Variants in NRG1 observed in about 807,000 individuals in gnomAD.
The protein encoded by NRG1 is neuregulin 1, also known as pro-neuregulin-1, membrane-bound isoform.
NRG1 carries 18 observed loss-of-function variants against 63.8 expected under a neutral mutation model. That is an observed-to-expected ratio of 0.28 (90% CI 0.19 to 0.42). NRG1 has a LOEUF of 0.42. Among genes scored for constraint, NRG1 ranks in the 10% least tolerant of loss-of-function variants. NRG1 has a pLI of 1.00. For missense variants in NRG1, 762 were observed against 814.7 expected (o/e 0.94, Z 0.79); for synonymous variants, 302 against 301.3 (o/e 1.00, Z -0.02).
intron 1 of NRG1, among the ~76,000 whole-genome samples, chr8:31,958,777 C>T (rs751011609): frequency 6.6e-6 from 1 of 152,104 alleles, no homozygotes; most frequent in Non-Finnish European, 1.5e-5. Flanking sequence ...TATGTGTGTA[C>T]CTATGATACA....
At chr8:32,708,618 T>G (rs967715799) in intron 5 of NRG1, among the ~76,000 whole-genome samples, 2 of 152,218 alleles carry the variant, frequency 1.3e-5, no homozygotes, top group African/African-American at 4.8e-5. Flanking sequence ...TCTGAGATAT[T>G]GTTTACTTTC....
intron 1 of NRG1, among the ~76,000 whole-genome samples, chr8:32,237,144 A>G (rs986911255): frequency 5.9e-5 from 9 of 152,332 alleles, no homozygotes; most frequent in South Asian, 2.1e-4. Flanking sequence ...TTTGTTGTCT[A>G]TCTTTGAAAG....
chr8:31,830,329 C>A (rs13275241), intron 1 of NRG1, among the ~76,000 whole-genome samples: 5,153 of 104,094 alleles, frequency 0.05, 176 homozygotes, highest in Admixed American at 0.14. Flanking sequence ...TTCCTTCCTT[C>A]CTTCCTTCCT....
intron 5 of NRG1, among the ~76,000 whole-genome samples, chr8:32,694,017 TC>T (rs1227060288): frequency 6.6e-6 from 1 of 152,198 alleles, no homozygotes; most frequent in African/African-American, 2.4e-5. Context: ...TTTCTTCCTG[TC>T]CAGCCAAAGG....
At chr8:31,990,523 G>T (rs1010415465) in intron 1 of NRG1, among the ~76,000 whole-genome samples, 2 of 152,042 alleles carry the variant, frequency 1.3e-5, no homozygotes, top group Non-Finnish European at 2.9e-5. Context: ...TCTAGTTGCA[G>T]CATAGTCACA....
At chr8:31,788,428 T>G (rs1820384999) in intron 1 of NRG1, among the ~76,000 whole-genome samples, 1 of 152,182 alleles carries the variant, frequency 6.6e-6, no homozygotes, top group Non-Finnish European at 1.5e-5. Context: ...GAAATAAGTT[T>G]AAACAAACCT....
At chr8:31,975,657 A>G (rs1157261734) in intron 1 of NRG1, among the ~76,000 whole-genome samples, 1 of 152,222 alleles carries the variant, frequency 6.6e-6, no homozygotes, top group Non-Finnish European at 1.5e-5. Context: ...CTCTAGGATA[A>G]TTATGGTTTA....
chr8:32,566,155 G>C (rs1333120048), intron 1 of NRG1, among the ~76,000 whole-genome samples: 2 of 151,978 alleles, frequency 1.3e-5, no homozygotes, highest in South Asian at 4.2e-4. Flanking sequence ...TCAGGAGTTC[G>C]TGACCAGCCT....
chr8:32,540,804 T>C (rs36212853), intron 1 of NRG1, among the ~76,000 whole-genome samples: 3,283 of 152,284 alleles, frequency 0.022, 45 homozygotes, highest in Middle Eastern at 0.048. Flanking sequence ...AGTTTCCATC[T>C]TGCACCTATG....
intron 1 of NRG1, among the ~76,000 whole-genome samples, chr8:32,524,102 C>T (rs895410365): frequency 6.6e-6 from 1 of 151,920 alleles, no homozygotes; most frequent in African/African-American, 2.4e-5. Flanking sequence ...GCCCGGGCAA[C>T]ATGGCGAAAC....
intron 1 of NRG1, among the ~76,000 whole-genome samples, chr8:31,744,800 T>C (rs1168838208): frequency 2.0e-5 from 3 of 151,998 alleles, no homozygotes; most frequent in African/African-American, 7.2e-5. Context: ...GTATTTTCCT[T>C]GTAAAACAAA....
At chr8:32,228,826 A>G (rs1846603391) in intron 1 of NRG1, among the ~76,000 whole-genome samples, 1 of 152,198 alleles carries the variant, frequency 6.6e-6, no homozygotes, top group Admixed American at 6.6e-5. Flanking sequence ...GCATGTGCAT[A>G]CTTACCAAGT....
intron 1 of NRG1, among the ~76,000 whole-genome samples, chr8:32,283,888 A>G (rs1853188850): frequency 6.6e-6 from 1 of 152,148 alleles, no homozygotes; most frequent in Admixed American, 6.5e-5. Flanking sequence ...ATGCTTAGAA[A>G]AAATTCCATC....
In NRG1 at chr8:32,741,948, A is replaced by G. The variant is rs929723506; in HGVS notation, c.633-727A>G. 3.1e-6 allele frequency: 4 copies of G among 1,308,438 alleles called. No homozygotes were observed. In the African/African-American group the frequency reaches 4.4e-5, roughly 14 times the overall value. 81.1% of individuals were successfully genotyped at this position (1,308,438 alleles called of 1,614,324 possible). A position where few individuals can be genotyped will look rare whatever the true frequency, so the allele number is the denominator to read the frequency against. On this transcript the variant is annotated intron_variant, in intron 6 of 11. Coordinates refer to ENST00000356819, the Ensembl canonical transcript of NRG1. ...CATATTCCATAGGAGGAAAATTGCC[A>G]GTCTGAAAGCTCAGTGTCTTTAGCA...
intron 1 of NRG1, among the ~76,000 whole-genome samples, chr8:32,059,892 G>A (rs1265955818): frequency 1.3e-5 from 2 of 151,778 alleles, no homozygotes; most frequent in Non-Finnish European, 2.9e-5. Flanking sequence ...ATATCTGGAT[G>A]TTAGATCTTC....
At chr8:31,840,452 GCCAAGTCT>G (rs1475204608) in intron 1 of NRG1, among the ~76,000 whole-genome samples, 2 of 146,402 alleles carry the variant, frequency 1.4e-5, no homozygotes, top group Admixed American at 7.2e-5. Context: ...TTCTGACCCT[GCCAAGTCT>G]GACTGCATTC....
intron 1 of NRG1, among the ~76,000 whole-genome samples, chr8:31,738,921 T>G (rs764830983): frequency 3.3e-5 from 5 of 152,108 alleles, no homozygotes; most frequent in Non-Finnish European, 7.4e-5. Flanking sequence ...ACTAATTACA[T>G]CTGCCACAAA....
chr8:32,098,382 C>T (rs1483497273), intron 1 of NRG1, among the ~76,000 whole-genome samples: 1 of 152,138 alleles, frequency 6.6e-6, no homozygotes, highest in Non-Finnish European at 1.5e-5. Context: ...CCTTTGGATT[C>T]TCCTGTTAGA....
chr8:32,696,810 G>A lies in NRG1; in HGVS notation c.503-31139G>A, dbSNP rs139802289. Among the ~76,000 whole-genome samples, 1,432 of 152,076 alleles carry A rather than the reference G, an allele frequency of 9.4e-3. 20 individuals are homozygous for A. Among genetic ancestry groups the A allele is most frequent in the African/African-American group, 0.033 (1,369 of 41,480 alleles). ...CAAGTAGCTGGGATTACAGGCGTGC[G>A]CCACCGCACCCAGCTAAGTTTTGTG... On this transcript the variant is annotated intron_variant, in intron 5 of 11. Coordinates refer to ENST00000356819, the Ensembl canonical transcript of NRG1.
Sources: gnomAD v4.1 joint callset for allele counts (sites outside exome capture counted in the v4.1 genomes callset) on GRCh38, gnomAD v4.1.1 for gene constraint, MANE v1.5 for transcripts, NCBI Gene and HGNC (gene_info 2026-07-23, HGNC 2026-07-21) for gene names.